Variants in CDKAL1 observed in about 807,000 individuals in gnomAD.
CDKAL1 encodes threonylcarbamoyladenosine tRNA methylthiotransferase.
In CDKAL1, 32 loss-of-function variants were observed where a neutral mutation model predicts 68.2. The ratio of observed to expected loss-of-function variants is 0.47; its 90% CI spans 0.35 to 0.63. The LOEUF (loss-of-function observed/expected upper bound fraction) is 0.63, where lower values mean the gene tolerates loss of function less well. CDKAL1 is among the 30% of genes least tolerant of loss of function. The probability of loss-of-function intolerance (pLI) is 0.00; values close to 1 mark genes in which losing one functional copy is unlikely to be tolerated. For synonymous variants in CDKAL1, 234 were observed against 244.3 expected, an observed-to-expected ratio of 0.96 and a Z score of 0.39; for missense variants, 606 against 696.7, an observed-to-expected ratio of 0.87 and a Z score of 1.47.
intron 12 of CDKAL1, among the ~76,000 whole-genome samples, chr6:21,092,496 T>G: frequency 6.6e-6 from 1 of 152,096 alleles, no homozygotes; most frequent in Middle Eastern, 3.4e-3. Context: ...CAGCTCCCAC[T>G]TACGAGTGAG....
chr6:20,715,883 T>C (rs1008364315), intron 5 of CDKAL1, among the ~76,000 whole-genome samples: 1 of 152,186 alleles, frequency 6.6e-6, no homozygotes, highest in African/African-American at 2.4e-5. Flanking sequence ...TTTGAAAAAA[T>C]TGGATCTGGG....
intron 8 of CDKAL1, among the ~76,000 whole-genome samples, chr6:20,789,239 A>G (rs1775800162): frequency 2.0e-5 from 3 of 152,222 alleles, no homozygotes; most frequent in Admixed American, 1.3e-4. Context: ...GAATCCCAAA[A>G]TATCTTATTT....
In CDKAL1 at chr6:20,636,808, G is replaced by A. The variant is rs138351850; in HGVS notation, c.287-12485G>A. Among the ~76,000 whole-genome samples the A allele has an allele frequency of 2.3e-3, 355 of 152,248 alleles. 2 individuals carry two copies. The highest frequency in any genetic ancestry group is 7.1e-3 in the African/African-American group (295 of 41,556). ...ATCCCACACTTTGGGAGGCCGAGGCGGGTGGATCATCTGAGGTCAGGAGTT... is the reference window on the plus strand; with the variant it reads ...ATCCCACACTTTGGGAGGCCGAGGCAGGTGGATCATCTGAGGTCAGGAGTT... On this transcript the variant is annotated intron_variant, in intron 4 of 15. Coordinates refer to ENST00000274695, the MANE Select transcript of CDKAL1 (RefSeq NM_017774.3).
intron 15 of CDKAL1, among the ~76,000 whole-genome samples, chr6:21,222,274 G>A (rs937096602): frequency 6.6e-6 from 1 of 152,100 alleles, no homozygotes; most frequent in Non-Finnish European, 1.5e-5. Flanking sequence ...ACACATTTGG[G>A]GTGAAAGGGG....
chr6:20,627,426 C>G (rs1767480768), intron 4 of CDKAL1, among the ~76,000 whole-genome samples: 1 of 152,104 alleles, frequency 6.6e-6, no homozygotes, highest in Admixed American at 6.6e-5. Flanking sequence ...CTTAAACAAT[C>G]TGCTATACTT....
At chr6:20,627,814 A>T (rs982732508) in intron 4 of CDKAL1, among the ~76,000 whole-genome samples, 1 of 152,196 alleles carries the variant, frequency 6.6e-6, no homozygotes, top group Non-Finnish European at 1.5e-5. Flanking sequence ...TTTGTTAGCT[A>T]TACACCTAAG....
intron 5 of CDKAL1, among the ~76,000 whole-genome samples, chr6:20,708,607 G>C (rs1303500853): frequency 6.6e-6 from 1 of 152,180 alleles, no homozygotes. Flanking sequence ...ACAGTTTCAG[G>C]TTCGAGACCT....
At chr6:20,879,879 A>G (rs755147363) in intron 9 of CDKAL1, among the ~76,000 whole-genome samples, 2 of 152,212 alleles carry the variant, frequency 1.3e-5, no homozygotes, top group Middle Eastern at 3.2e-3. Context: ...CTTGCAGTCA[A>G]TTAAAGGTTC....
At chr6:20,724,302 C>T (rs1772538693) in intron 5 of CDKAL1, among the ~76,000 whole-genome samples, 2 of 152,114 alleles carry the variant, frequency 1.3e-5, no homozygotes, top group African/African-American at 2.4e-5. Context: ...GTAGCTTTTA[C>T]ATTAATACCT....
intron 12 of CDKAL1, among the ~76,000 whole-genome samples, chr6:21,078,558 A>G (rs1172426370): frequency 6.6e-6 from 1 of 152,208 alleles, no homozygotes; most frequent in African/African-American, 2.4e-5. Flanking sequence ...GCCCAAGATC[A>G]TACAGAGGAG....
chr6:20,758,779 G>A, intron 7 of CDKAL1, 136 bp downstream of exon 7: 1 of 648,956 alleles, frequency 1.5e-6, no homozygotes, highest in Non-Finnish European at 2.5e-6. Context: ...TGTTATCCTT[G>A]GCTTCATGAA....
intron 4 of CDKAL1, among the ~76,000 whole-genome samples, chr6:20,598,818 T>C (rs1463849245): frequency 6.6e-6 from 1 of 152,142 alleles, no homozygotes; most frequent in Non-Finnish European, 1.5e-5. Context: ...TTTTGTTCTA[T>C]GGGGATTTTG....
At chr6:20,863,700 C>A (rs760509865) in intron 9 of CDKAL1, among the ~76,000 whole-genome samples, 13 of 152,042 alleles carry the variant, frequency 8.6e-5, no homozygotes, top group Non-Finnish European at 1.6e-4. Context: ...GGATTGGGCA[C>A]AGTTAAGACT....
intron 5 of CDKAL1, among the ~76,000 whole-genome samples, chr6:20,677,557 TAC>T (rs1297357515): frequency 6.6e-6 from 1 of 152,132 alleles, no homozygotes; most frequent in Non-Finnish European, 1.5e-5. Flanking sequence ...TAGCTGGGAT[TAC>T]AGTCATACCC....
chr6:20,544,132 T>C (rs1400378962), intron 2 of CDKAL1, among the ~76,000 whole-genome samples: 2 of 152,352 alleles, frequency 1.3e-5, no homozygotes, highest in African/African-American at 2.4e-5. Flanking sequence ...TATAAATGTC[T>C]GCTTGCTCCA....
chr6:21,022,669 C>T (rs1768731523), intron 11 of CDKAL1, among the ~76,000 whole-genome samples: 1 of 152,164 alleles, frequency 6.6e-6, no homozygotes, highest in African/African-American at 2.4e-5. Context: ...CTGCAGACTC[C>T]ACGGCCTGGC....
chr6:21,076,282 A>G (rs1324768437), intron 12 of CDKAL1, among the ~76,000 whole-genome samples: 4 of 152,308 alleles, frequency 2.6e-5, no homozygotes, highest in African/African-American at 9.6e-5. Context: ...ATATTCTTAA[A>G]TCATATATAG....
At chr6:20,879,121 A>G (rs150880845) in intron 9 of CDKAL1, among the ~76,000 whole-genome samples, 164 of 152,250 alleles carry the variant, frequency 1.1e-3, no homozygotes, top group Non-Finnish European at 2.0e-3. Flanking sequence ...TAAAAGAAGT[A>G]TTCCCCATTG....
At chr6:20,596,223 G>A (rs573480675) in intron 4 of CDKAL1, among the ~76,000 whole-genome samples, 2 of 152,260 alleles carry the variant, frequency 1.3e-5, no homozygotes, top group South Asian at 4.1e-4. Flanking sequence ...TTCAGAGCCG[G>A]CAGGCAGGAA....
Sources: allele counts gnomAD v4.1 joint callset (sites outside exome capture counted in the v4.1 genomes callset), GRCh38; gene constraint gnomAD v4.1.1; transcripts MANE v1.5; gene names NCBI Gene and HGNC (gene_info 2026-07-23, HGNC 2026-07-21).